Variants in DLG2 observed in about 807,000 individuals in gnomAD.
The protein encoded by DLG2 is discs large MAGUK scaffold protein 2.
DLG2 carries 45 observed loss-of-function variants against 132.5 expected under a neutral mutation model. That is an observed-to-expected ratio of 0.34 (90% CI 0.27 to 0.44). DLG2 has a LOEUF of 0.44. Ranked by LOEUF, DLG2 falls within the 20% of genes least tolerant of loss-of-function variation. DLG2 has a pLI of 1.00. For synonymous variants in DLG2, 424 were observed against 419.6 expected, an observed-to-expected ratio of 1.01 and a Z score of -0.13; for missense variants, 1,045 against 1,196.9, an observed-to-expected ratio of 0.87 and a Z score of 1.87.
rs1415257780 is a variant in DLG2 at position 83,930,367 on chromosome 11, T to C, written c.1457A>G (p.His486Arg). Reference protein sequence around the residue: ...KSFLLSAPYSHYHLGLLPDSE... With the variant: ...KSFLLSAPYSRYHLGLLPDSE... The stretch of plus-strand genomic sequence containing the variant: ...GTCAGGTAGCAGGCCTAGGTGGTAG[T>C]GGGAATAGGGAGCTGAGAGGAGGAA... Residue 486 changes from histidine (H) to arginine (R), a missense_variant, in exon 15 of 28, where the codon CAC becomes CGC. This residue lies in a region of DLG2 where 261 missense variants were observed against 256.1 expected (regional missense o/e 1.02). Coordinates refer to ENST00000376104, the MANE Select transcript of DLG2 (RefSeq NM_001142699.3). 1.9e-6 allele frequency: 3 copies of C among 1,613,912 alleles called. No homozygotes were observed. The South Asian group carries it at 3.3e-5, about 18-fold the overall frequency.
chr11:83,846,596 T>A (rs1177984789), intron 16 of DLG2, among the ~76,000 whole-genome samples: 1 of 152,206 alleles, frequency 6.6e-6, no homozygotes, highest in African/African-American at 2.4e-5. Context: ...AAGATCTGTC[T>A]GAGTTCTTTG....
intron 7 of DLG2, among the ~76,000 whole-genome samples, chr11:84,254,535 A>G (rs1202235459): frequency 6.6e-6 from 1 of 152,214 alleles, no homozygotes; most frequent in African/African-American, 2.4e-5. Context: ...GGAAAGTAAT[A>G]TATCTTTACG....
intron 3 of DLG2, among the ~76,000 whole-genome samples, chr11:85,318,629 C>T (rs1018642165): frequency 2.0e-5 from 3 of 151,284 alleles, no homozygotes; most frequent in Admixed American, 1.3e-4. Context: ...TGAAGCCAAC[C>T]GGACTAGAAA....
intron 8 of DLG2, among the ~76,000 whole-genome samples, chr11:84,217,058 G>C (rs2096845290): frequency 6.6e-6 from 1 of 152,146 alleles, no homozygotes; most frequent in African/African-American, 2.4e-5. Context: ...CAATAGATAA[G>C]ACTTAGCAGA....
chr11:84,679,709 A>G (rs866885731), intron 6 of DLG2, among the ~76,000 whole-genome samples: 1 of 152,112 alleles, frequency 6.6e-6, no homozygotes, highest in African/African-American at 2.4e-5. Flanking sequence ...TTTAGTCTTC[A>G]CACTTCGTCT....
chr11:83,888,080 G>C (rs2068490554), intron 15 of DLG2, among the ~76,000 whole-genome samples: 1 of 148,356 alleles, frequency 6.7e-6, no homozygotes, highest in Admixed American at 6.7e-5. Context: ...GTTCAACACA[G>C]TGTTGGAAGT....
intron 19 of DLG2, among the ~76,000 whole-genome samples, chr11:83,598,791 C>T (rs749363526): frequency 1.3e-5 from 2 of 152,314 alleles, no homozygotes; most frequent in Admixed American, 6.5e-5. Flanking sequence ...GTATACTGAA[C>T]ATAATTTAAA....
chr11:84,531,665 G>A (rs1223241380), intron 7 of DLG2, among the ~76,000 whole-genome samples: 2 of 152,110 alleles, frequency 1.3e-5, no homozygotes, highest in African/African-American at 4.8e-5. Context: ...CCATACCACA[G>A]AACTGGTGGT....
In DLG2 at chr11:84,144,942, G is replaced by T. The variant is rs577532064; in HGVS notation, c.624+18519C>A. Among the ~76,000 whole-genome samples, 5 of 152,150 alleles carry T rather than the reference G, an allele frequency of 3.3e-5. 1 individual carries two copies. Among genetic ancestry groups the T allele is most frequent in the Non-Finnish European group, 7.4e-5 (5 of 68,018 alleles). On this transcript the variant is annotated intron_variant, in intron 9 of 27. Coordinates refer to ENST00000376104, the MANE Select transcript of DLG2 (RefSeq NM_001142699.3). ...CATTTCTCAAGACCTGTAATCTAGT[G>T]ACCCAGGTATTATTCAGATGTTAGA...
chr11:84,717,560 T>C (rs2061366360), intron 6 of DLG2, among the ~76,000 whole-genome samples: 1 of 152,214 alleles, frequency 6.6e-6, no homozygotes, highest in Non-Finnish European at 1.5e-5. Flanking sequence ...TTAATTTTCA[T>C]AAATGTACTT....
chr11:84,534,675 G>C lies in DLG2; in HGVS notation c.414C>G (p.Thr138=), dbSNP rs1039705019. The C allele has an allele frequency of 6.8e-6, 11 of 1,613,738 alleles. No homozygotes were observed. The highest frequency in any genetic ancestry group is 9.3e-6 in the Non-Finnish European group (11 of 1,179,868). The change falls in exon 7 of 28, where the codon ACC becomes ACG. Residue 138 remains threonine, a synonymous_variant. Coordinates refer to ENST00000376104, the MANE Select transcript of DLG2 (RefSeq NM_001142699.3). ...CGAGTTCTGGGCCTCTTACTTCGTG[G>C]GTTAGTCGAGGTAAGGAATGATCAT... ...APHDHSLPRL[T]HEVRGPELVH...
intron 3 of DLG2, among the ~76,000 whole-genome samples, chr11:85,427,208 T>C (rs2090823167): frequency 6.6e-6 from 1 of 152,222 alleles, no homozygotes; most frequent in Non-Finnish European, 1.5e-5. Context: ...CTCTACAGGA[T>C]ATTATCCAGG....
intron 8 of DLG2, among the ~76,000 whole-genome samples, chr11:84,168,786 C>A (rs1566792074): frequency 6.6e-6 from 1 of 151,228 alleles, no homozygotes; most frequent in Non-Finnish European, 1.5e-5. Context: ...AGGGTCACAC[C>A]ACCATCAAAT....
intron 19 of DLG2, among the ~76,000 whole-genome samples, chr11:83,569,132 AT>A: frequency 6.6e-6 from 1 of 152,196 alleles, no homozygotes; most frequent in Non-Finnish European, 1.5e-5. Flanking sequence ...CTGAAATATC[AT>A]TAATAAATTC....
intron 6 of DLG2, among the ~76,000 whole-genome samples, chr11:84,960,855 C>A (rs985971178): frequency 2.6e-5 from 4 of 151,954 alleles, no homozygotes; most frequent in African/African-American, 9.7e-5. Context: ...ACAATGAAAA[C>A]AATTTCAAGT....
intron 4 of DLG2, among the ~76,000 whole-genome samples, chr11:85,240,740 T>A (rs996939319): frequency 4.0e-5 from 6 of 151,842 alleles, no homozygotes; most frequent in Admixed American, 2.6e-4. Flanking sequence ...TAAGTTACCT[T>A]TCATTCTTGG....
At chr11:84,252,256 T>C (rs2097394575) in intron 7 of DLG2, among the ~76,000 whole-genome samples, 1 of 149,574 alleles carries the variant, frequency 6.7e-6, no homozygotes, top group Non-Finnish European at 1.5e-5. Context: ...AGTTCAACGA[T>C]TCTTCTGTCT....
chr11:83,515,294 G>C (rs2095251064), intron 21 of DLG2, among the ~76,000 whole-genome samples: 1 of 152,132 alleles, frequency 6.6e-6, no homozygotes, highest in South Asian at 2.1e-4. Flanking sequence ...ATTTCTTCTA[G>C]ATTTTCTAGT....
chr11:84,941,929 T>C (rs1218971225), intron 6 of DLG2, among the ~76,000 whole-genome samples: 1 of 152,138 alleles, frequency 6.6e-6, no homozygotes, highest in Non-Finnish European at 1.5e-5. Context: ...TTACTTCTTA[T>C]TGGTCTGTTC....
Sources: gnomAD v4.1 joint callset for allele counts (sites outside exome capture counted in the v4.1 genomes callset) on GRCh38, gnomAD v4.1.1 for gene constraint, gnomAD v4.1.1 regional missense constraint, MANE v1.5 for transcripts, NCBI Gene and HGNC (gene_info 2026-07-23, HGNC 2026-07-21) for gene names.